Variants in MRPS21 observed in about 807,000 individuals in gnomAD.
The protein encoded by MRPS21 is small ribosomal subunit protein bS21m.
MRPS21 carries 8 observed loss-of-function variants against 9.9 expected under a neutral mutation model. The observed-to-expected ratio is 0.81, with a 90% CI of 0.47 to 1.45. The LOEUF (loss-of-function observed/expected upper bound fraction) is 1.45, where lower values mean the gene tolerates loss of function less well. Ranked by LOEUF, MRPS21 falls within the 40% of genes most tolerant of loss-of-function variation. The pLI is 0.00. For synonymous variants in MRPS21, 40 were observed against 40.3 expected (o/e 0.99, Z 0.03); for missense variants, 101 against 118.9 (o/e 0.85, Z 0.70).
At chr1:150,294,172 GA>G (rs1164477955) in intron 1 of MRPS21, 162 bp from the exon 2 acceptor site, 2 of 547,208 alleles carry the variant, frequency 3.7e-6, no homozygotes, top group African/African-American at 3.8e-5. Flanking sequence ...GAGAATAAGA[GA>G]CAACGATTCA....
rs978863232 is a variant in MRPS21, at chr1:150,308,484, T to C, written c.*256T>C. The C allele has an allele frequency of 1.7e-5, 6 of 348,372 alleles. No individual in the cohort carries two copies. The highest frequency in any genetic ancestry group is 3.9e-5 in the Admixed American group (1 of 25,376). 21.6% of individuals were successfully genotyped at this position (348,372 alleles called of 1,614,324 possible). On this transcript the variant is annotated 3_prime_UTR_variant, in exon 3 of 3. Transcript: ENST00000614145. ...TGCCAGGGACTGGAGGAGGGGGCAG[T>C]GAGGAGTTATTGTTTAATGGGTACA...
chr1:150,299,906 GGAAC>G (rs1553857347), intron 2 of MRPS21, among the ~76,000 whole-genome samples: 6 of 152,048 alleles, frequency 3.9e-5, no homozygotes, highest in Admixed American at 1.3e-4. Context: ...GATCACCTAG[GGAAC>G]GAACCATCAA....
chr1:150,307,973 C>T (rs1654404437), intron 2 of MRPS21, 75 bp from the exon 3 acceptor site: 5 of 1,352,598 alleles, frequency 3.7e-6, no homozygotes, highest in Admixed American at 2.3e-5. Context: ...TTTGGTCAAT[C>T]GACTTCTATT....
Position 150,308,193 on chromosome 1 carries a change from C to T in MRPS21, c.229C>T (p.Arg77Ter). The change falls in exon 3 of 3, where the codon CGA (arginine) becomes TGA (stop). Residue 77 changes from arginine to a stop codon, truncating the protein, a stop_gained. Transcript: ENST00000614145. LOFTEE classifies it high-confidence loss of function. ...GGCTCGCAAGATCAACTTCTTGATG[C>T]GAAAGAATCGGGCAGATCCGTGGCA... ...EMARKINFLM[R>*]KNRADPWQGC The T allele has an allele frequency of 1.2e-6, 2 of 1,603,562 alleles. No individual in the cohort carries two copies. Among genetic ancestry groups the T allele is most frequent in the Non-Finnish European group, 1.7e-6 (2 of 1,171,162 alleles).
chr1:150,294,596 T>C, intron 2 of MRPS21, 147 bp downstream of exon 2: 2 of 716,056 alleles, frequency 2.8e-6, no homozygotes, highest in Non-Finnish European at 4.7e-6. Context: ...CTCAGTTTAT[T>C]ATCTTAAAAA....
At chr1:150,298,440 A>T (rs1356193492) in intron 2 of MRPS21, among the ~76,000 whole-genome samples, 2 of 152,232 alleles carry the variant, frequency 1.3e-5, no homozygotes, top group Admixed American at 1.3e-4. Context: ...TTATTGAAAG[A>T]TCAAAGGATA....
At chr1:150,302,510 T>A (rs1654179868) in intron 2 of MRPS21, among the ~76,000 whole-genome samples, 1 of 152,182 alleles carries the variant, frequency 6.6e-6, no homozygotes, top group South Asian at 2.1e-4. Context: ...TGACGTAGAC[T>A]GGCTACACTG....
rs587724414 is a variant in MRPS21 at position 150,300,895 on chromosome 1, A to G, written c.83+6446A>G. Among the ~76,000 whole-genome samples, 3 of 152,210 alleles carry G rather than the reference A, an allele frequency of 2.0e-5. No homozygotes were observed. In the East Asian group the frequency reaches 5.8e-4, roughly 29 times the overall value. On this transcript the variant is annotated intron_variant, in intron 2 of 2. Transcript: ENST00000614145. The stretch of plus-strand genomic sequence containing the variant: ...TCTTTTCTTTTTAAGAAAGAAGAGG[A>G]GTGGTTAGAAAAATAAATTTGGCCA...
At chr1:150,296,004 C>G (rs1217606423) in intron 2 of MRPS21, among the ~76,000 whole-genome samples, 2 of 148,508 alleles carry the variant, frequency 1.3e-5, no homozygotes, top group Non-Finnish European at 3.0e-5. Flanking sequence ...CAGGCTGGAG[C>G]GCAGTGGTGC....
At chr1:150,304,834 C>T (rs1429834752) in intron 2 of MRPS21, 2 of 209,172 alleles carry the variant, frequency 9.6e-6, no homozygotes, top group African/African-American at 2.4e-5. Context: ...GGTGGATCAC[C>T]TGAGGTCAGG....
rs371779657 is a variant in MRPS21, at chr1:150,301,320, A to G, written c.84-6728A>G. 1,717 of 293,228 alleles carry G rather than the reference A, an allele frequency of 5.9e-3. 60 individuals are homozygous for G. The highest frequency in any genetic ancestry group is 0.043 in the South Asian group (1,675 of 39,296). 18.2% of individuals were successfully genotyped at this position (293,228 alleles called of 1,614,324 possible). A position where few individuals can be genotyped will look rare whatever the true frequency, so the allele number is the denominator to read the frequency against. The stretch of plus-strand genomic sequence containing the variant: ...ATTGCACTCCAACCTGGGGGACGAG[A>G]GCGAGACTTCGTCTCAAAAGAAAAA... On this transcript the variant is annotated intron_variant, in intron 2 of 2. Coordinates refer to ENST00000614145, the MANE Select transcript of MRPS21 (RefSeq NM_031901.6).
At chr1:150,299,961 A>C (rs1198526402) in intron 2 of MRPS21, among the ~76,000 whole-genome samples, 1 of 152,200 alleles carries the variant, frequency 6.6e-6, no homozygotes, top group Non-Finnish European at 1.5e-5. Flanking sequence ...GAGATGAATC[A>C]GAATCTCCAG....
intron 2 of MRPS21, chr1:150,304,306 G>C: frequency 5.6e-6 from 1 of 177,294 alleles, no homozygotes; most frequent in South Asian, 9.6e-5. Flanking sequence ...GCGAGGCCCT[G>C]CCTACAAAAA....
At chr1:150,307,894 C>A (rs901215958) in intron 2 of MRPS21, among the ~76,000 whole-genome samples, 154 bp from the exon 3 acceptor site, 1 of 152,104 alleles carries the variant, frequency 6.6e-6, no homozygotes, top group Non-Finnish European at 1.5e-5. Context: ...CTTATTGAGG[C>A]CTTTGTAAGT....
chr1:150,295,092 T>A (rs1653870034), intron 2 of MRPS21, among the ~76,000 whole-genome samples: 1 of 150,024 alleles, frequency 6.7e-6, no homozygotes, highest in African/African-American at 2.4e-5. Flanking sequence ...GCTTCCTGGG[T>A]TCACGCCATT....
At chr1:150,302,244 G>A (rs1654164008) in intron 2 of MRPS21, among the ~76,000 whole-genome samples, 1 of 152,188 alleles carries the variant, frequency 6.6e-6, no homozygotes, top group Non-Finnish European at 1.5e-5. Flanking sequence ...GGAGTACAGA[G>A]AGAGTCTTAC....
At chr1:150,294,473 A>G in intron 2 of MRPS21, 24 bp downstream of exon 2, 1 of 1,577,650 alleles carries the variant, frequency 6.3e-7, no homozygotes, top group Non-Finnish European at 8.7e-7. Flanking sequence ...GACCAGAATC[A>G]TGCCTAGACT....
chr1:150,301,340 G>A (rs1183543945), intron 2 of MRPS21: 8 of 279,966 alleles, frequency 2.9e-5, no homozygotes, highest in Non-Finnish European at 3.6e-5. Flanking sequence ...CGTCTCAAAA[G>A]AAAAAAAATT....
intron 2 of MRPS21, chr1:150,304,137 C>G (rs1194470394): frequency 4.9e-6 from 2 of 404,636 alleles, no homozygotes; most frequent in Non-Finnish European, 1.0e-5. Context: ...ATGGTGAAAC[C>G]CTGTCTCTAC....
Sources: gnomAD v4.1 joint callset for allele counts (sites outside exome capture counted in the v4.1 genomes callset) on GRCh38, gnomAD v4.1.1 for gene constraint, MANE v1.5 for transcripts, NCBI Gene and HGNC (gene_info 2026-07-23, HGNC 2026-07-21) for gene names.